THAP4: variants seen among roughly 807,000 people sequenced by gnomAD.
THAP4 encodes the protein THAP domain containing 4.
THAP4 carries 18 observed loss-of-function variants against 48.1 expected under a neutral mutation model. The ratio of observed to expected loss-of-function variants is 0.37; its 90% CI spans 0.26 to 0.56. The LOEUF (loss-of-function observed/expected upper bound fraction) is 0.56. THAP4 is among the 20% of genes least tolerant of loss of function. THAP4 has a pLI of 0.78. For synonymous variants in THAP4, 345 were observed against 324.9 expected (o/e 1.06, Z -0.66); for missense variants, 656 against 774.9 (o/e 0.85, Z 1.82).
In THAP4 at chr2:241,596,291, G is replaced by C. The variant is rs137871568; in HGVS notation, c.1614+5605C>G. 5.6e-3 allele frequency among the ~76,000 whole-genome samples: 859 copies of C among 152,124 alleles called. 10 individuals are homozygous for C. Among genetic ancestry groups the C allele is most frequent in the African/African-American group, 0.02 (816 of 41,502 alleles). ...GGAGGCTGAGGAGGGTGGATCACCT[G>C]ACATCAGGAGTTTGAGAACAGCCTG... On this transcript the variant is annotated intron_variant, in intron 5 of 5. Transcript: ENST00000407315.
chr2:241,607,722 T>C (rs2067201063), intron 2 of THAP4, among the ~76,000 whole-genome samples: 1 of 109,514 alleles, frequency 9.1e-6, no homozygotes, highest in Non-Finnish European at 1.9e-5. Context: ...GGGGACAGGA[T>C]CAGGACTGAC....
intron 1 of THAP4, 52 bp from the exon 2 acceptor site, chr2:241,634,131 A>C: frequency 7.2e-7 from 1 of 1,381,324 alleles, no homozygotes; most frequent in East Asian, 2.4e-5. Flanking sequence ...GTCTCCCCTT[A>C]AAATAATCAA....
At chr2:241,597,692 C>T (rs2067066218) in intron 5 of THAP4, among the ~76,000 whole-genome samples, 1 of 152,204 alleles carries the variant, frequency 6.6e-6, no homozygotes, top group Non-Finnish European at 1.5e-5. Context: ...TCCCTGCCTT[C>T]TGTGTGTGCT....
At chr2:241,604,121 C>G (rs1025339608) in intron 3 of THAP4, among the ~76,000 whole-genome samples, 1 of 151,952 alleles carries the variant, frequency 6.6e-6, no homozygotes, top group African/African-American at 2.4e-5. Context: ...TTTGCTCTGT[C>G]ACCCAGGCTC....
Position 241,610,839 on chromosome 2 carries a change from CAGAG to C in THAP4, c.1241-4370_1241-4367del, listed in dbSNP as rs926025527. Among the ~76,000 whole-genome samples the C allele has an allele frequency of 6.6e-6, 1 of 151,810 alleles. No homozygotes were observed. The highest frequency in any genetic ancestry group is 2.4e-5 in the African/African-American group (1 of 41,304). ...CGGGACGGGGACAGAGACACAGAGACAGAGAGACAGGGCCAGAGAGACACGGGGA... is the reference window on the plus strand; with the variant it reads ...CGGGACGGGGACAGAGACACAGAGACAGACAGGGCCAGAGAGACACGGGGA... On this transcript the variant is annotated intron_variant, in intron 2 of 5. Transcript: ENST00000407315. The surrounding 1 kb of genome is among the most constrained non-coding windows in gnomAD (Gnocchi z 4.2).
intron 2 of THAP4, among the ~76,000 whole-genome samples, chr2:241,623,152 G>A (rs183962173): frequency 6.6e-6 from 1 of 152,238 alleles, no homozygotes; most frequent in Non-Finnish European, 1.5e-5. Flanking sequence ...GGGAGTCGGA[G>A]GCTGCAGTGA....
At chr2:241,585,936 AAAAAGAAAAAGAAAAAGAAAG>A (rs2066890585) in intron 5 of THAP4, among the ~76,000 whole-genome samples, 1 of 146,782 alleles carries the variant, frequency 6.8e-6, no homozygotes, top group African/African-American at 2.5e-5. Flanking sequence ...AAAAGAAAAA[AAAAAGAAAAAGAAAAAGAAAG>A]AAAAAAAGCA....
chr2:241,620,895 T>A (rs547290690), intron 2 of THAP4, among the ~76,000 whole-genome samples: 1 of 152,064 alleles, frequency 6.6e-6, no homozygotes, highest in Admixed American at 6.5e-5. Flanking sequence ...AACATCATCA[T>A]GTAGCACACG....
At chr2:241,635,754 G>A (rs987132716) in intron 1 of THAP4, among the ~76,000 whole-genome samples, 2 of 152,100 alleles carry the variant, frequency 1.3e-5, no homozygotes, top group African/African-American at 4.8e-5. Flanking sequence ...GGGCGACAGA[G>A]GGAGACTCCT....
chr2:241,626,823 C>A (rs988240895), intron 2 of THAP4, among the ~76,000 whole-genome samples: 2 of 152,170 alleles, frequency 1.3e-5, no homozygotes, highest in Non-Finnish European at 2.9e-5. Context: ...CTCGGCCTCC[C>A]AAAGTGTTGG....
chr2:241,589,345 C>T (rs978543699), intron 5 of THAP4, among the ~76,000 whole-genome samples: 6 of 151,780 alleles, frequency 4.0e-5, no homozygotes, highest in African/African-American at 1.5e-4. Flanking sequence ...GCAAGTACAC[C>T]TGATAAAGGA....
chr2:241,604,004 CCAAACCAAAAAAAA>C (rs1286662292), intron 3 of THAP4, among the ~76,000 whole-genome samples: 2 of 150,896 alleles, frequency 1.3e-5, no homozygotes, highest in East Asian at 3.9e-4. Flanking sequence ...AACAAAAAAA[CCAAACCAAAAAAAA>C]AAAAGCCTCA....
intron 5 of THAP4, chr2:241,594,494 G>A (rs533296083): frequency 9.1e-6 from 2 of 219,938 alleles, no homozygotes; most frequent in South Asian, 6.2e-5. Flanking sequence ...GGAGGCCCAG[G>A]TGGGTATACT....
At chr2:241,609,775 G>A (rs2067239981) in intron 2 of THAP4, among the ~76,000 whole-genome samples, 1 of 140,910 alleles carries the variant, frequency 7.1e-6, no homozygotes. Flanking sequence ...CGACAGAGAC[G>A]TTTTCTCAAA....
chr2:241,628,078 C>A (rs559769386), intron 2 of THAP4, among the ~76,000 whole-genome samples: 2 of 152,240 alleles, frequency 1.3e-5, no homozygotes, highest in East Asian at 3.9e-4. Flanking sequence ...CAGTAACCAG[C>A]GACCCTGGGA....
At chr2:241,611,871 C>CA (rs1258073087) in intron 2 of THAP4, among the ~76,000 whole-genome samples, 26 of 152,072 alleles carry the variant, frequency 1.7e-4, no homozygotes, top group African/African-American at 5.8e-4. Flanking sequence ...TGAACAAGAG[C>CA]AGCAAAACAT....
intron 2 of THAP4, among the ~76,000 whole-genome samples, chr2:241,632,057 G>C (rs1231883492): frequency 6.6e-6 from 1 of 151,550 alleles, no homozygotes; most frequent in Non-Finnish European, 1.5e-5. Flanking sequence ...ACAGGAGTGT[G>C]CCACCATGCC....
Position 241,633,365 on chromosome 2 carries a change from ATCTT to A in THAP4, c.788_791del (p.Lys263MetfsTer110). ...TGCTCCCACTGCAGCTTGGTTCCAC[ATCTT>A]TCTTCAGCCTCTTGCGGTCAATGGG... On this transcript the variant is annotated frameshift_variant, in exon 2 of 6. Transcript: ENST00000407315. LOFTEE classifies it high-confidence loss of function. This position sits in a 1 kb window ranked among gnomAD's most constrained non-coding sequence, Gnocchi z 7.5. The A allele has an allele frequency of 6.2e-7, 1 of 1,611,936 alleles. No homozygotes were observed. Among genetic ancestry groups the A allele is most frequent in the Non-Finnish European group, 8.5e-7 (1 of 1,179,912 alleles).
intron 5 of THAP4, among the ~76,000 whole-genome samples, chr2:241,585,912 C>CAAAAAAAAAAAAAAAAAAAAA (rs1175852721): frequency 2.5e-4 from 7 of 28,272 alleles, no homozygotes; most frequent in East Asian, 2.7e-3. Flanking sequence ...GACTCCTTCT[C>CAAAAAAAAAAAAAAAAAAAAA]AAAAAAAAAA....
Sources: gnomAD v4.1 joint callset for allele counts (sites outside exome capture counted in the v4.1 genomes callset) on GRCh38, gnomAD v4.1.1 for gene constraint, Gnocchi (gnomAD v3.1) non-coding constraint, MANE v1.5 for transcripts, NCBI Gene and HGNC (gene_info 2026-07-23, HGNC 2026-07-21) for gene names.